BDH2: variants seen among roughly 807,000 people sequenced by gnomAD.
The protein encoded by BDH2 is 3-hydroxybutyrate dehydrogenase 2.
A neutral mutation model predicts 33.2 loss-of-function variants in BDH2; 24 were observed. The observed-to-expected ratio is 0.72, with a 90% CI of 0.52 to 1.02. The LOEUF is 1.02. Ranked by LOEUF, BDH2 falls within the 50% of genes least tolerant of loss-of-function variation. The probability of loss-of-function intolerance (pLI) is 0.00; values close to 1 mark genes in which losing one functional copy is unlikely to be tolerated. For synonymous variants in BDH2, 81 were observed against 101.6 expected (o/e 0.80, Z 1.22); for missense variants, 249 against 301.6 (o/e 0.83, Z 1.29).
chr4:103,096,142 A>G, intron 2 of BDH2, 41 bp downstream of exon 2: 1 of 1,451,428 alleles, frequency 6.9e-7, no homozygotes, highest in Non-Finnish European at 9.6e-7. Context: ...ATATGTCAAG[A>G]GTTAGTAGGC....
chr4:103,083,024 T>C (rs574812261), intron 7 of BDH2, 95 bp from the exon 8 acceptor site: 1 of 1,142,328 alleles, frequency 8.8e-7, no homozygotes. Flanking sequence ...TCAGTGAGAT[T>C]CTTCTCCTTG....
chr4:103,085,068 C>T (rs541543281), intron 7 of BDH2, among the ~76,000 whole-genome samples: 5 of 152,324 alleles, frequency 3.3e-5, no homozygotes, highest in South Asian at 4.1e-4. Flanking sequence ...TTAATAAACA[C>T]ATCTACGGTT....
intron 5 of BDH2, among the ~76,000 whole-genome samples, chr4:103,088,380 G>T (rs1043414596): frequency 3.9e-5 from 6 of 152,158 alleles, no homozygotes; most frequent in African/African-American, 1.4e-4. Context: ...TATTATCTCA[G>T]GCAAAACCTT....
chr4:103,099,563 T>C (rs1430065477), intron 1 of BDH2, among the ~76,000 whole-genome samples: 1 of 152,160 alleles, frequency 6.6e-6, no homozygotes, highest in Non-Finnish European at 1.5e-5. Flanking sequence ...GGAAGAAAAC[T>C]CTTCACTTAG....
chr4:103,090,682 C>T (rs550013774), intron 5 of BDH2, among the ~76,000 whole-genome samples: 2 of 152,232 alleles, frequency 1.3e-5, no homozygotes, highest in East Asian at 3.9e-4. Flanking sequence ...CGTGTGCCTC[C>T]CTGCTGTTAC....
rs1258374058 is a variant in BDH2 at position 103,078,521 on chromosome 4, G to A, written c.*1181C>T. On this transcript the variant is annotated 3_prime_UTR_variant, in exon 10 of 10. Coordinates refer to ENST00000296424, the MANE Select transcript of BDH2 (RefSeq NM_020139.4). ...ATTGTTTAGTTAGACTAAGAAAATA[G>A]TAAATAATAAGGGATGGCATCCGTT... 6.6e-6 allele frequency among the ~76,000 whole-genome samples: 1 copy of A among 152,146 alleles called. No individual in the cohort carries two copies. Among genetic ancestry groups the A allele is most frequent in the African/African-American group, 2.4e-5 (1 of 41,440 alleles).
intron 4 of BDH2, 44 bp downstream of exon 4, chr4:103,092,556 A>G (rs781470305): frequency 2.2e-6 from 3 of 1,360,156 alleles, no homozygotes; most frequent in South Asian, 1.2e-5. Flanking sequence ...AAAGTCATAG[A>G]AAACTTTCTG....
chr4:103,091,821 C>T (rs1560573695), intron 4 of BDH2: 1 of 449,308 alleles, frequency 2.2e-6, no homozygotes, highest in Non-Finnish European at 4.4e-6. Context: ...CAACAGTGCC[C>T]TCAGGTGGCA....
intron 7 of BDH2, among the ~76,000 whole-genome samples, chr4:103,084,916 C>G (rs935828140): frequency 3.5e-5 from 5 of 141,238 alleles, no homozygotes; most frequent in African/African-American, 1.4e-4. Context: ...TCACACACCA[C>G]CCCCCATTAT....
intron 5 of BDH2, among the ~76,000 whole-genome samples, chr4:103,089,245 T>C (rs1405228645): frequency 6.6e-6 from 1 of 152,158 alleles, no homozygotes; most frequent in African/African-American, 2.4e-5. Context: ...TGGCTGGAAG[T>C]GATTGTGTAA....
intron 2 of BDH2, 50 bp downstream of exon 2, chr4:103,096,133 T>C (rs1324244477): frequency 1.5e-6 from 2 of 1,359,758 alleles, no homozygotes; most frequent in African/African-American, 1.4e-5. Context: ...CATAATTCAA[T>C]ATGTCAAGAG....
intron 3 of BDH2, among the ~76,000 whole-genome samples, chr4:103,094,461 A>G (rs894284996): frequency 6.6e-6 from 1 of 152,158 alleles, no homozygotes; most frequent in Non-Finnish European, 1.5e-5. Context: ...TAAATGAGGT[A>G]ATGGATATGT....
intron 5 of BDH2, 29 bp from the exon 6 acceptor site, chr4:103,086,569 A>G (rs1747802527): frequency 6.4e-7 from 1 of 1,573,540 alleles, no homozygotes; most frequent in Non-Finnish European, 8.6e-7. Context: ...TACAAAAAAA[A>G]AAAAATCCAC....
chr4:103,098,138 T>C (rs1211045994), intron 1 of BDH2, among the ~76,000 whole-genome samples: 1 of 152,014 alleles, frequency 6.6e-6, no homozygotes, highest in Non-Finnish European at 1.5e-5. Flanking sequence ...GGCAGGAGCA[T>C]GGGGTGCCAT....
At chr4:103,085,581 C>A in intron 6 of BDH2, 119 bp from the exon 7 acceptor site, 1 of 1,434,308 alleles carries the variant, frequency 7.0e-7, no homozygotes, top group South Asian at 1.3e-5. Context: ...CATTCCTCCC[C>A]TTTTAAAAAG....
rs373958174 is a variant in BDH2, at chr4:103,082,141, C to T, written c.624G>A (p.Thr208=). Residue 208 remains threonine (T), a synonymous_variant, in exon 9 of 10, where the codon ACG becomes ACA. Coordinates refer to ENST00000296424, the MANE Select transcript of BDH2 (RefSeq NM_020139.4). The part of the protein sequence containing the change: ...ARNDFLKRQK[T]GRFATAEEIA... Reference sequence around the variant, plus strand: ...TTTCTTCTGCAGTTGCGAATCTTCCCGTCTTTTGTCTCTTCAGGAAATCAT... The same window carrying T: ...TTTCTTCTGCAGTTGCGAATCTTCCTGTCTTTTGTCTCTTCAGGAAATCAT... 4.6e-5 allele frequency: 74 copies of T among 1,614,056 alleles called. No homozygotes were observed. Among genetic ancestry groups the T allele is most frequent in the South Asian group, 8.8e-5 (8 of 91,084 alleles).
chr4:103,081,321 G>A (rs962186757), intron 9 of BDH2, among the ~76,000 whole-genome samples: 16 of 152,102 alleles, frequency 1.1e-4, no homozygotes, highest in Non-Finnish European at 1.8e-4. Flanking sequence ...ATTTTGAGAC[G>A]GAGTCTCACT....
chr4:103,086,405 G>A, intron 6 of BDH2, 75 bp downstream of exon 6: 1 of 1,536,228 alleles, frequency 6.5e-7, no homozygotes, highest in South Asian at 1.3e-5. Flanking sequence ...TCTCTGCTAT[G>A]CCTGTTCCCA....
chr4:103,090,837 C>A (rs554063312), intron 5 of BDH2, among the ~76,000 whole-genome samples: 1 of 152,126 alleles, frequency 6.6e-6, no homozygotes, highest in African/African-American at 2.4e-5. Context: ...TTTAAAACCA[C>A]GCCACATATT....
Sources: allele counts gnomAD v4.1 joint callset (sites outside exome capture counted in the v4.1 genomes callset), GRCh38; gene constraint gnomAD v4.1.1; transcripts MANE v1.5; gene names NCBI Gene and HGNC (gene_info 2026-07-23, HGNC 2026-07-21).